GMDS: variants seen among roughly 807,000 people sequenced by gnomAD.
GMDS encodes GDP-mannose 4,6-dehydratase.
A neutral mutation model predicts 49.9 loss-of-function variants in GMDS; 20 were observed. That is an observed-to-expected ratio of 0.40 (90% CI 0.28 to 0.58). The LOEUF is 0.58. Among genes scored for constraint, GMDS ranks in the 20% least tolerant of loss-of-function variants. The pLI, the probability that GMDS is intolerant of heterozygous loss-of-function variation, is 0.42. For synonymous variants in GMDS, 177 were observed against 178.6 expected (o/e 0.99, Z 0.07); for missense variants, 362 against 481.4 (o/e 0.75, Z 2.32).
chr6:2,087,009 G>A (rs1043117801), intron 4 of GMDS, among the ~76,000 whole-genome samples: 10 of 152,200 alleles, frequency 6.6e-5, no homozygotes, highest in African/African-American at 2.2e-4. Flanking sequence ...TTGTTGAAAT[G>A]TTGAGCTAAA....
intron 7 of GMDS, among the ~76,000 whole-genome samples, chr6:1,793,694 C>A (rs535669913): frequency 9.2e-5 from 14 of 152,330 alleles, no homozygotes; most frequent in South Asian, 8.3e-4. Flanking sequence ...AGGAAAATTA[C>A]TACCCTTTTC....
intron 8 of GMDS, among the ~76,000 whole-genome samples, chr6:1,737,500 AAC>A (rs139626089): frequency 3.5e-3 from 510 of 147,652 alleles, no homozygotes; most frequent in East Asian, 9.9e-3. Flanking sequence ...CACACACACA[AAC>A]ACACACACAC....
intron 4 of GMDS, among the ~76,000 whole-genome samples, chr6:2,076,783 T>C (rs1317589588): frequency 6.6e-6 from 1 of 152,162 alleles, no homozygotes; most frequent in East Asian, 1.9e-4. Flanking sequence ...AAGACTTAAA[T>C]GTTAGACCTA....
At chr6:2,099,638 AG>A (rs1773810366) in intron 4 of GMDS, among the ~76,000 whole-genome samples, 1 of 152,108 alleles carries the variant, frequency 6.6e-6, no homozygotes. Context: ...CCATATTAAC[AG>A]TATGACCAAA....
chr6:2,148,863 G>A lies in GMDS; in HGVS notation c.103-24132C>T, dbSNP rs142701780. Among the ~76,000 whole-genome samples, 433 of 152,282 alleles carry A rather than the reference G, an allele frequency of 2.8e-3. 6 individuals are homozygous for A. Among genetic ancestry groups the A allele is most frequent in the Admixed American group, 0.019 (295 of 15,296 alleles). The stretch of plus-strand genomic sequence containing the variant: ...GTAAGTCTATGGGAGCACCATTCAC[G>A]GACATGCAGCAATACGGTAGAACAC... On this transcript the variant is annotated intron_variant, in intron 1 of 10. Transcript: ENST00000380815.
intron 1 of GMDS, among the ~76,000 whole-genome samples, chr6:2,178,527 C>T (rs905790307): frequency 3.9e-5 from 6 of 152,134 alleles, no homozygotes; most frequent in Non-Finnish European, 8.8e-5. Flanking sequence ...CCCCATGATC[C>T]AATCACCTCC....
rs1768367285 is a variant in GMDS, at chr6:1,766,668, C to G, written c.772-24082G>C. ...GGCTCTCCCCTTCTAGAAGGCCCAG[C>G]AAGCGCCCCGTTTCCCACAGACGGT... is the stretch of plus-strand genomic sequence containing the variant. On this transcript the variant is annotated intron_variant, in intron 7 of 10. Transcript: ENST00000380815. The surrounding 1 kb of genome is among the most constrained non-coding windows in gnomAD (Gnocchi z 4.5). Among the ~76,000 whole-genome samples, 1 of 152,208 alleles carries G rather than the reference C, an allele frequency of 6.6e-6. No homozygotes were observed. The highest frequency in any genetic ancestry group is 1.5e-5 in the Non-Finnish European group (1 of 68,046).
At chr6:2,033,264 C>T (rs1265351012) in intron 4 of GMDS, among the ~76,000 whole-genome samples, 1 of 152,184 alleles carries the variant, frequency 6.6e-6, no homozygotes, top group Non-Finnish European at 1.5e-5. Flanking sequence ...CAAACCCAAT[C>T]ATGTGGTTAG....
intron 1 of GMDS, among the ~76,000 whole-genome samples, chr6:2,159,489 T>G (rs1777276124): frequency 6.6e-6 from 1 of 151,796 alleles, no homozygotes; most frequent in African/African-American, 2.4e-5. Flanking sequence ...ACCTTTTTCT[T>G]AATTTTTTCA....
chr6:2,143,601 G>T (rs551288040), intron 1 of GMDS, among the ~76,000 whole-genome samples: 1 of 150,396 alleles, frequency 6.6e-6, no homozygotes, highest in African/African-American at 2.5e-5. Context: ...CTGGTTTCTG[G>T]GTGGGGAAGC....
chr6:2,148,240 C>A (rs1776672578), intron 1 of GMDS, among the ~76,000 whole-genome samples: 1 of 152,108 alleles, frequency 6.6e-6, no homozygotes, highest in Admixed American at 6.5e-5. Flanking sequence ...GCTGGTATGA[C>A]TAAGCCAAGT....
chr6:1,769,216 C>T (rs569947638), intron 7 of GMDS, among the ~76,000 whole-genome samples: 6 of 152,124 alleles, frequency 3.9e-5, no homozygotes, highest in Non-Finnish European at 7.3e-5. Context: ...ACTGGGTTTA[C>T]GGAGATAAAG....
Position 1,624,587 on chromosome 6 carries a change from G to A in GMDS, c.988-47C>T, listed in dbSNP as rs777018210. ...CGAAGCAGGCGTGGGTCGTGGGGGT[G>A]GGGGCAGCAGGTCCCGAGCCCCGGG... On this transcript the variant is annotated intron_variant, in intron 9 of 10. Coordinates refer to ENST00000380815, the MANE Select transcript of GMDS (RefSeq NM_001500.4). 8 of 1,321,076 alleles carry A rather than the reference G, an allele frequency of 6.1e-6. No homozygotes were observed. The Admixed American group carries it at 1.0e-4, about 17-fold the overall frequency. 81.8% of individuals were successfully genotyped at this position (1,321,076 alleles called of 1,614,324 possible). A position where few individuals can be genotyped will look rare whatever the true frequency, so the allele number is the denominator to read the frequency against.
chr6:1,717,810 T>C (rs544347112), intron 9 of GMDS, among the ~76,000 whole-genome samples: 24 of 152,336 alleles, frequency 1.6e-4, no homozygotes, highest in South Asian at 6.2e-4. Flanking sequence ...CAGCACAAAG[T>C]ACCTTACACT....
At chr6:1,939,892 C>T (rs1003893293) in intron 6 of GMDS, among the ~76,000 whole-genome samples, 1 of 152,268 alleles carries the variant, frequency 6.6e-6, no homozygotes, top group East Asian at 1.9e-4. Context: ...CTTGGGCGCC[C>T]TCTGATGATG....
rs141631076 is a variant in GMDS, at chr6:2,159,707, T to C, written c.103-34976A>G. On this transcript the variant is annotated intron_variant, in intron 1 of 10. Coordinates refer to ENST00000380815, the MANE Select transcript of GMDS (RefSeq NM_001500.4). ...CTAATTTTGGTATTTTTACTAGAGA[T>C]GGGGTTTCACCATGTTGGCCAAGCT... is the stretch of plus-strand genomic sequence containing the variant. 5.7e-3 allele frequency among the ~76,000 whole-genome samples: 865 copies of C among 151,830 alleles called. 2 individuals are homozygous for C. The highest frequency in any genetic ancestry group is 0.017 in the Middle Eastern group (5 of 294).
At chr6:1,906,049 A>T (rs984774051) in intron 7 of GMDS, among the ~76,000 whole-genome samples, 2 of 152,018 alleles carry the variant, frequency 1.3e-5, no homozygotes, top group Non-Finnish European at 2.9e-5. Flanking sequence ...AAAACGATAC[A>T]ATGATCTTTA....
At chr6:2,087,766 G>A (rs559838073) in intron 4 of GMDS, among the ~76,000 whole-genome samples, 2 of 152,160 alleles carry the variant, frequency 1.3e-5, no homozygotes, top group Non-Finnish European at 2.9e-5. Flanking sequence ...ACCTAACACA[G>A]TGTGCCTATT....
intron 7 of GMDS, among the ~76,000 whole-genome samples, chr6:1,770,741 T>A (rs1442297063): frequency 6.6e-6 from 1 of 152,192 alleles, no homozygotes; most frequent in Non-Finnish European, 1.5e-5. Context: ...AGAAGATTAG[T>A]CAGAAACATC....
Sources: allele counts gnomAD v4.1 joint callset (sites outside exome capture counted in the v4.1 genomes callset), GRCh38; gene constraint gnomAD v4.1.1; non-coding constraint Gnocchi (gnomAD v3.1); transcripts MANE v1.5; gene names NCBI Gene and HGNC (gene_info 2026-07-23, HGNC 2026-07-21).